ADAMTS2: variants seen among roughly 807,000 people sequenced by gnomAD.
ADAMTS2 encodes the protein A disintegrin and metalloproteinase with thrombospondin motifs 2.
ADAMTS2 carries 50 observed loss-of-function variants against 123.0 expected under a neutral mutation model. The ratio of observed to expected loss-of-function variants is 0.41; its 90% CI spans 0.32 to 0.51. The LOEUF (loss-of-function observed/expected upper bound fraction) is 0.51. ADAMTS2 is among the 20% of genes least tolerant of loss of function. The pLI, the probability that ADAMTS2 is intolerant of heterozygous loss-of-function variation, is 0.35. For missense variants in ADAMTS2, 1,494 were observed against 1,705.2 expected (o/e 0.88, Z 2.18); for synonymous variants, 678 against 695.4 (o/e 0.98, Z 0.39).
At chr5:179,163,426 A>G (rs535853518) in intron 5 of ADAMTS2, among the ~76,000 whole-genome samples, 1 of 152,344 alleles carries the variant, frequency 6.6e-6, no homozygotes, top group South Asian at 2.1e-4. Context: ...AGAGGCCCAG[A>G]GCTGCTGGAT....
chr5:179,289,790 G>A (rs542730248), intron 2 of ADAMTS2, among the ~76,000 whole-genome samples: 129 of 152,316 alleles, frequency 8.5e-4, no homozygotes, highest in Non-Finnish European at 1.5e-3. Context: ...GGTGCCCTAC[G>A]GAGGGCACAG....
intron 21 of ADAMTS2, chr5:179,120,187 C>A (rs746159218): frequency 1.3e-5 from 2 of 152,134 alleles, no homozygotes; most frequent in Non-Finnish European, 2.9e-5. Context: ...TTTCATGGAA[C>A]TTTTATTGAG....
chr5:179,225,566 G>A lies in ADAMTS2; in HGVS notation c.689-17851C>T, dbSNP rs535963236. 4.5e-4 allele frequency among the ~76,000 whole-genome samples: 68 copies of A among 152,154 alleles called. No individual in the cohort carries two copies. The highest frequency in any genetic ancestry group is 1.2e-3 in the African/African-American group (48 of 41,526). ...CAGGCGGCTGGACGTCGAGAGGAGC[G>A]CATGAGGGGAGGAACACACAGGCGG... On this transcript the variant is annotated intron_variant, in intron 3 of 21. Coordinates refer to ENST00000251582, the MANE Select transcript of ADAMTS2 (RefSeq NM_014244.5). This position sits in a 1 kb window ranked among gnomAD's most constrained non-coding sequence, Gnocchi z 4.5.
In ADAMTS2 at chr5:179,152,974, G is replaced by A. The variant is rs557152869; in HGVS notation, c.1515+517C>T. ...CTTCTTTCCTTCATGCAGCAGAGGCGAGCATTAAGACGCTCATAGACACTG... is the reference window on the plus strand; with the variant it reads ...CTTCTTTCCTTCATGCAGCAGAGGCAAGCATTAAGACGCTCATAGACACTG... On this transcript the variant is annotated intron_variant, in intron 9 of 21. Coordinates refer to ENST00000251582, the MANE Select transcript of ADAMTS2 (RefSeq NM_014244.5). Among the ~76,000 whole-genome samples, 12 of 152,300 alleles carry A rather than the reference G, an allele frequency of 7.9e-5. No individual in the cohort carries two copies. In the South Asian group the frequency reaches 1.0e-3, roughly 13 times the overall value.
At chr5:179,140,989 A>C (rs902890931) in intron 10 of ADAMTS2, among the ~76,000 whole-genome samples, 1 of 141,098 alleles carries the variant, frequency 7.1e-6, no homozygotes, top group Admixed American at 7.0e-5. Flanking sequence ...TTTTTTTTTT[A>C]TTTTTAGTAG....
intron 3 of ADAMTS2, among the ~76,000 whole-genome samples, chr5:179,208,855 G>A (rs1003370982): frequency 3.9e-5 from 6 of 152,184 alleles, no homozygotes; most frequent in Admixed American, 1.3e-4. Flanking sequence ...TCCTGGCCCG[G>A]GACAGACCCA....
At chr5:179,154,791 C>G in intron 7 of ADAMTS2, 23 bp downstream of exon 7, 1 of 1,586,510 alleles carries the variant, frequency 6.3e-7, no homozygotes, top group Non-Finnish European at 8.6e-7. Flanking sequence ...CCTCTGTGCC[C>G]CACCCTTCCC....
At chr5:179,338,164 C>T (rs1267525039) in intron 2 of ADAMTS2, among the ~76,000 whole-genome samples, 1 of 152,278 alleles carries the variant, frequency 6.6e-6, no homozygotes, top group South Asian at 2.1e-4. Context: ...TGCTGGGCTC[C>T]GGCTGAGACC....
At chr5:179,341,516 C>T (rs568638725) in intron 2 of ADAMTS2, among the ~76,000 whole-genome samples, 6 of 151,602 alleles carry the variant, frequency 4.0e-5, no homozygotes, top group South Asian at 2.1e-4. Context: ...CTGGCTAACA[C>T]GGTGAAACAC....
intron 4 of ADAMTS2, among the ~76,000 whole-genome samples, chr5:179,184,960 G>C (rs1764135697): frequency 2.0e-5 from 3 of 152,214 alleles, no homozygotes; most frequent in Admixed American, 2.0e-4. Flanking sequence ...GAAGGACGTG[G>C]CATGTCATGA....
chr5:179,166,643 C>G (rs1763704510), intron 5 of ADAMTS2, among the ~76,000 whole-genome samples: 1 of 152,180 alleles, frequency 6.6e-6, no homozygotes, highest in Non-Finnish European at 1.5e-5. Context: ...CCATCCTGGC[C>G]GCGGGACCCT....
At chr5:179,284,996 G>T (rs1255476743) in intron 2 of ADAMTS2, among the ~76,000 whole-genome samples, 1 of 152,140 alleles carries the variant, frequency 6.6e-6, no homozygotes, top group Non-Finnish European at 1.5e-5. Context: ...GACAGTGTCT[G>T]CAGGGTTGAA....
At chr5:179,224,288 G>A (rs1441255932) in intron 3 of ADAMTS2, among the ~76,000 whole-genome samples, 2 of 152,160 alleles carry the variant, frequency 1.3e-5, no homozygotes. Flanking sequence ...GGCACACCCT[G>A]ACATCCGTAG....
chr5:179,322,054 T>C (rs1757196465), intron 2 of ADAMTS2, among the ~76,000 whole-genome samples: 1 of 152,246 alleles, frequency 6.6e-6, no homozygotes, highest in Non-Finnish European at 1.5e-5. Flanking sequence ...TAAGTATGTT[T>C]ACACATATGT....
At position 179,312,508 on chromosome 5, in the gene ADAMTS2, C is replaced by T. The variant is rs1009957546; in HGVS notation, c.534+31259G>A. Among the ~76,000 whole-genome samples the T allele has an allele frequency of 4.6e-5, 7 of 152,216 alleles. No homozygotes were observed. The highest frequency in any genetic ancestry group is 7.3e-5 in the Non-Finnish European group (5 of 68,040). On this transcript the variant is annotated intron_variant, in intron 2 of 21. Transcript: ENST00000251582. This position sits in a 1 kb window ranked among gnomAD's most constrained non-coding sequence, Gnocchi z 4.2. Reference sequence around the variant, plus strand: ...CAACCATATGCACAGCTTCCAGAACCGTGAGAAATAAGCTTCCGATGCTTT... The same window carrying T: ...CAACCATATGCACAGCTTCCAGAACTGTGAGAAATAAGCTTCCGATGCTTT...
intron 2 of ADAMTS2, among the ~76,000 whole-genome samples, chr5:179,318,393 CAG>C (rs144403098): frequency 0.029 from 4,366 of 149,730 alleles, 185 homozygotes; most frequent in African/African-American, 0.099. Context: ...GCCAGCTAGA[CAG>C]GGGATGGGGA....
chr5:179,136,838 C>T (rs556929784), intron 12 of ADAMTS2, among the ~76,000 whole-genome samples: 5 of 151,230 alleles, frequency 3.3e-5, no homozygotes, highest in South Asian at 4.2e-4. Flanking sequence ...GGTGTGGTGG[C>T]GTGCGCCTGA....
At chr5:179,297,691 C>A (rs751933493) in intron 2 of ADAMTS2, among the ~76,000 whole-genome samples, 2 of 152,118 alleles carry the variant, frequency 1.3e-5, no homozygotes, top group African/African-American at 2.4e-5. Context: ...GTGCCCCCAA[C>A]GCCCTCCACT....
intron 2 of ADAMTS2, among the ~76,000 whole-genome samples, chr5:179,295,758 G>A (rs1052527055): frequency 1.3e-5 from 2 of 152,226 alleles, no homozygotes; most frequent in Non-Finnish European, 2.9e-5. Flanking sequence ...CCGCAAGTGA[G>A]AGTCGGGGTG....
Sources: gnomAD v4.1 joint callset for allele counts (sites outside exome capture counted in the v4.1 genomes callset) on GRCh38, gnomAD v4.1.1 for gene constraint, Gnocchi (gnomAD v3.1) non-coding constraint, MANE v1.5 for transcripts, NCBI Gene and HGNC (gene_info 2026-07-23, HGNC 2026-07-21) for gene names.